PAX6: variants seen among roughly 807,000 people sequenced by gnomAD.
PAX6 encodes paired box protein Pax-6.
A neutral mutation model predicts 60.7 loss-of-function variants in PAX6; 7 were observed. The ratio of observed to expected loss-of-function variants is 0.12; its 90% CI spans 0.07 to 0.22. The LOEUF (loss-of-function observed/expected upper bound fraction) is 0.22, where lower values mean the gene tolerates loss of function less well. PAX6 is among the 10% of genes least tolerant of loss of function. The pLI is 1.00. For missense variants in PAX6, 355 were observed against 555.2 expected (o/e 0.64, Z 3.62); for synonymous variants, 208 against 201.2 (o/e 1.03, Z -0.29).
At chr11:31,816,004 G>C (rs1402026945), upstream of PAX6, among the ~76,000 whole-genome samples, 1 of 152,140 alleles carries the variant, frequency 6.6e-6, no homozygotes, top group Non-Finnish European at 1.5e-5. Context: ...CGAGAGGAAA[G>C]GGAATGAAAA....
In PAX6 at chr11:31,793,300, A is replaced by G. The variant is rs765420612; in HGVS notation, c.1074+138T>C. ...AAAGTGATGGGATTGACTGTCTCCG[A>G]CTTGACTGGTCAAGCCAATCACTGT... On this transcript the variant is annotated intron_variant, in intron 12 of 13. Transcript: ENST00000640368. The G allele has an allele frequency of 5.0e-5, 38 of 757,940 alleles. 1 individual carries two copies. Among genetic ancestry groups the G allele is most frequent in the South Asian group, 7.0e-5 (5 of 71,256 alleles). 47.0% of individuals were successfully genotyped at this position (757,940 alleles called of 1,614,324 possible).
intron 12 of PAX6, chr11:31,793,233 T>C (rs764133803): frequency 1.7e-4 from 118 of 695,236 alleles, no homozygotes; most frequent in Non-Finnish European, 2.7e-4. Flanking sequence ...AGATTTTTAT[T>C]ACTCATTTTT....
intron 8 of PAX6, among the ~76,000 whole-genome samples, chr11:31,799,053 G>T (rs534959456): frequency 6.6e-6 from 1 of 152,382 alleles, no homozygotes; most frequent in South Asian, 2.1e-4. Flanking sequence ...TCTTGTCAGG[G>T]GAGGGATCAC....
At chr11:31,794,822 T>A in intron 8 of PAX6, 34 bp from the exon 9 acceptor site, 3 of 1,608,798 alleles carry the variant, frequency 1.9e-6, no homozygotes, top group Non-Finnish European at 2.6e-6. Flanking sequence ...TAAGAGAAAT[T>A]TGGATTAACT....
chr11:31,815,941 G>T (rs553514205), upstream of PAX6, among the ~76,000 whole-genome samples: 1 of 152,312 alleles, frequency 6.6e-6, no homozygotes, highest in African/African-American at 2.4e-5. Context: ...GAATGCGGCC[G>T]GGGAGAATTT....
chr11:31,817,361 C>A (rs1044600158), intron 1 of PAX6, among the ~76,000 whole-genome samples: 8 of 152,272 alleles, frequency 5.3e-5, no homozygotes, highest in East Asian at 1.9e-4. Flanking sequence ...TCGCCCGACC[C>A]GCGGCAGGGT....
intron 13 of PAX6, 139 bp from the exon 14 acceptor site, chr11:31,790,158 C>A: frequency 1.5e-6 from 1 of 663,254 alleles, no homozygotes. Flanking sequence ...ATTAAAATCA[C>A]TTCAATTGTT....
chr11:31,800,650 G>A lies in PAX6; in HGVS notation c.565+41C>T, dbSNP rs779843815. On this transcript the variant is annotated intron_variant, in intron 8 of 13. Transcript: ENST00000640368. ...GAGAGTAGGGGACAGGCAAAGGGAT[G>A]CACATATGGAGAGCTGCGTGGATGG... The A allele has an allele frequency of 3.7e-6, 6 of 1,609,814 alleles. No individual in the cohort carries two copies. The South Asian group carries it at 5.5e-5, about 15-fold the overall frequency.
At chr11:31,801,485 G>C in intron 7 of PAX6, 76 bp downstream of exon 7, 2 of 1,609,490 alleles carry the variant, frequency 1.2e-6, no homozygotes, top group Non-Finnish European at 1.7e-6. Flanking sequence ...ACAGTGGAGA[G>C]AGAGGGTGGG....
chr11:31,792,929 TATATCTC>T (rs1438800992), intron 12 of PAX6: 1 of 338,038 alleles, frequency 3.0e-6, no homozygotes, highest in Non-Finnish European at 5.5e-6. Context: ...TTATATTATG[TATATCTC>T]ACCATGTAAA....
At chr11:31,796,645 C>CAGAGGGCGATGGAGGGAAAA (rs924206623) in intron 8 of PAX6, among the ~76,000 whole-genome samples, 34 of 150,366 alleles carry the variant, frequency 2.3e-4, no homozygotes, top group Admixed American at 7.9e-4. Context: ...AGGGGAAAGA[C>CAGAGGGCGATGGAGGGAAAA]AGAGGGCGAT....
At chr11:31,805,330 G>T (rs1411484783) in intron 4 of PAX6, 1 of 152,334 alleles carries the variant, frequency 6.6e-6, no homozygotes, top group Admixed American at 6.5e-5. Context: ...GGCAGGTTCT[G>T]CACAACTACT....
At chr11:31,806,302 G>C (rs1955785538) in intron 4 of PAX6, 100 bp downstream of exon 4, 1 of 1,422,694 alleles carries the variant, frequency 7.0e-7, no homozygotes, top group Non-Finnish European at 9.6e-7. Flanking sequence ...GTCGGTCGGC[G>C]GCCGGGCCAG....
intron 12 of PAX6, 81 bp from the exon 13 acceptor site, chr11:31,790,941 C>T (rs754885211): frequency 6.9e-7 from 1 of 1,446,534 alleles, no homozygotes; most frequent in Middle Eastern, 1.7e-4. Flanking sequence ...TCCCGAGGAA[C>T]TCTGCCAACA....
upstream of PAX6, among the ~76,000 whole-genome samples, chr11:31,813,343 T>C (rs1957216025): frequency 2.5e-5 from 3 of 121,836 alleles, no homozygotes; most frequent in Non-Finnish European, 3.2e-5. Context: ...AAGCTTGGAC[T>C]CAAGACTCAA....
chr11:31,816,778 A>G, intron 1 of PAX6: 1 of 618,716 alleles, frequency 1.6e-6, no homozygotes. Context: ...CTCCCAGAAG[A>G]CCTAGAAAGG....
chr11:31,797,202 C>T (rs1171554681), intron 8 of PAX6, among the ~76,000 whole-genome samples: 1 of 152,058 alleles, frequency 6.6e-6, no homozygotes, highest in Non-Finnish European at 1.5e-5. Context: ...CATGCCCATG[C>T]CTTCCTAGGG....
upstream of PAX6, among the ~76,000 whole-genome samples, chr11:31,813,819 A>T (rs1957246356): frequency 6.6e-6 from 1 of 151,994 alleles, no homozygotes; most frequent in African/African-American, 2.4e-5. Context: ...TGAGAGTGAG[A>T]TTTCCTCGTT....
At position 31,806,127 on chromosome 11, in the gene PAX6, G is replaced by C. The variant is rs3026362; in HGVS notation, c.10+275C>G. The C allele has an allele frequency of 9.2e-3, 4,355 of 471,954 alleles. 177 individuals carry two copies. Among genetic ancestry groups the C allele is most frequent in the African/African-American group, 0.079 (3,840 of 48,406 alleles). The allele number at this position is 471,954 out of a possible 1,614,324, so 29.2% of individuals were successfully genotyped here. A position where few individuals can be genotyped will look rare whatever the true frequency, so the allele number is the denominator to read the frequency against. On this transcript the variant is annotated intron_variant, in intron 4 of 13. Transcript: ENST00000640368. ...AGAGGGGGTGTGAGTTACAGGATTT[G>C]GGGGGGATGGGGTTTCTCTACCGCA...
Sources: gnomAD v4.1 joint callset for allele counts (sites outside exome capture counted in the v4.1 genomes callset) on GRCh38, gnomAD v4.1.1 for gene constraint, MANE v1.5 for transcripts, NCBI Gene and HGNC (gene_info 2026-07-23, HGNC 2026-07-21) for gene names.